NMNAT1: variants seen among roughly 807,000 people sequenced by gnomAD.
NMNAT1 encodes nicotinamide nucleotide adenylyltransferase 1.
Under a neutral mutation model 16.7 loss-of-function variants are expected in NMNAT1, and 11 were observed. The ratio of observed to expected loss-of-function variants is 0.66; its 90% CI spans 0.41 to 1.09. The LOEUF (loss-of-function observed/expected upper bound fraction) is 1.09, where lower values mean the gene tolerates loss of function less well. Ranked by LOEUF, NMNAT1 falls within the 50% of genes least tolerant of loss-of-function variation. The probability of loss-of-function intolerance (pLI) is 0.00; values close to 1 mark genes in which losing one functional copy is unlikely to be tolerated. For synonymous variants in NMNAT1, 110 were observed against 119.8 expected, an observed-to-expected ratio of 0.92 and a Z score of 0.53; for missense variants, 280 against 332.3, an observed-to-expected ratio of 0.84 and a Z score of 1.22.
chr1:9,989,138 C>A (rs1464167826), downstream of NMNAT1, among the ~76,000 whole-genome samples: 1 of 151,998 alleles, frequency 6.6e-6, no homozygotes, highest in Non-Finnish European at 1.5e-5. Context: ...CCATAACTAC[C>A]CATGGCCCAC....
At chr1:9,962,677 G>GTTTTTTTT (rs34747915) in intron 1 of NMNAT1, among the ~76,000 whole-genome samples, 2 of 74,230 alleles carry the variant, frequency 2.7e-5, no homozygotes, top group African/African-American at 6.1e-5. Context: ...CCAAATAAGG[G>GTTTTTTTT]TTTTTTTTTT....
rs1641969844 is a variant in NMNAT1 at position 9,982,467 on chromosome 1, G to A, written c.606G>A (p.Val202=). ...DAQKFIYESD[V]LWKHRSNIHV... ...AGAAGTTTATCTATGAATCGGATGT[G>A]CTGTGGAAACACCGGAGCAACATTC... Residue 202 remains valine (V), a synonymous_variant, in exon 5 of 5, where the codon GTG becomes GTA. Coordinates refer to ENST00000377205, the MANE Select transcript of NMNAT1 (RefSeq NM_022787.4). 1 of 1,614,040 alleles carries A rather than the reference G, an allele frequency of 6.2e-7. No homozygotes were observed. The highest frequency in any genetic ancestry group is 1.3e-5 in the African/African-American group (1 of 74,932).
intron 1 of NMNAT1, among the ~76,000 whole-genome samples, chr1:9,946,044 C>A (rs1640973245): frequency 6.6e-6 from 1 of 152,120 alleles, no homozygotes; most frequent in African/African-American, 2.4e-5. Flanking sequence ...ATGAGCCACC[C>A]CACCCAGCCT....
chr1:9,956,079 G>A (rs1243674862), intron 1 of NMNAT1, among the ~76,000 whole-genome samples: 1 of 151,766 alleles, frequency 6.6e-6, no homozygotes, highest in Non-Finnish European at 1.5e-5. Flanking sequence ...TACCATGACT[G>A]TAAATAAATG....
intron 1 of NMNAT1, among the ~76,000 whole-genome samples, chr1:9,951,762 A>G (rs1486005758): frequency 1.3e-5 from 2 of 152,202 alleles, no homozygotes; most frequent in Non-Finnish European, 2.9e-5. Context: ...GGCGTGAGCC[A>G]CTGTGCCCGG....
intron 4 of NMNAT1, 94 bp downstream of exon 4, chr1:9,981,264 T>G: frequency 6.6e-7 from 1 of 1,520,322 alleles, no homozygotes; most frequent in East Asian, 2.5e-5. Context: ...AGATGGAGTC[T>G]CGCTCTATCA....
intron 1 of NMNAT1, among the ~76,000 whole-genome samples, chr1:9,969,998 G>T (rs1391032130): frequency 6.6e-6 from 1 of 152,120 alleles, no homozygotes; most frequent in Non-Finnish European, 1.5e-5. Flanking sequence ...GGAAAAAAAT[G>T]ACATTCAAAA....
chr1:9,956,976 C>T lies in NMNAT1; in HGVS notation c.-57+13461C>T, dbSNP rs144805301. 5.0e-3 allele frequency among the ~76,000 whole-genome samples: 763 copies of T among 152,010 alleles called. 8 individuals carry two copies. The highest frequency in any genetic ancestry group is 5.5e-3 in the Non-Finnish European group (374 of 67,994). The stretch of plus-strand genomic sequence containing the variant: ...CAAACTCCTGATCTTGTGATCCACC[C>T]GCCTCGGCCTCCCAAAATGCTAAGA... On this transcript the variant is annotated intron_variant, in intron 1 of 4. Coordinates refer to ENST00000377205, the MANE Select transcript of NMNAT1 (RefSeq NM_022787.4).
intron 1 of NMNAT1, among the ~76,000 whole-genome samples, chr1:9,970,952 T>C (rs1463875079): frequency 6.6e-6 from 1 of 152,178 alleles, no homozygotes; most frequent in Admixed American, 6.6e-5. Context: ...CATATGATAA[T>C]GAACACTAAT....
intron 1 of NMNAT1, among the ~76,000 whole-genome samples, chr1:9,964,125 C>G (rs1641488584): frequency 6.6e-6 from 1 of 151,834 alleles, no homozygotes; most frequent in Non-Finnish European, 1.5e-5. Context: ...CTCCTGGCCT[C>G]AAGTGACCCA....
At chr1:9,953,119 T>C (rs919472018) in intron 1 of NMNAT1, among the ~76,000 whole-genome samples, 12 of 151,768 alleles carry the variant, frequency 7.9e-5, no homozygotes, top group Admixed American at 4.6e-4. Flanking sequence ...TAGCTGGAAC[T>C]ACAGGTGCCC....
chr1:9,959,571 C>G (rs1022976417), intron 1 of NMNAT1, among the ~76,000 whole-genome samples: 2 of 152,044 alleles, frequency 1.3e-5, no homozygotes, highest in African/African-American at 4.8e-5. Context: ...ATCCCAGCTA[C>G]TCAGGAGGCT....
chr1:9,980,092 C>T (rs1037288001), intron 3 of NMNAT1, among the ~76,000 whole-genome samples: 9 of 151,438 alleles, frequency 5.9e-5, no homozygotes, highest in African/African-American at 1.7e-4. Flanking sequence ...CCACCACACC[C>T]GGCTAATTTT....
intron 1 of NMNAT1, among the ~76,000 whole-genome samples, chr1:9,948,632 C>G (rs1190913732): frequency 1.3e-5 from 2 of 151,730 alleles, no homozygotes; most frequent in African/African-American, 2.4e-5. Flanking sequence ...TAACTAGTCC[C>G]TAACAAAAAT....
intron 2 of NMNAT1, 44 bp from the exon 3 acceptor site, chr1:9,975,548 G>A (rs575240370): frequency 1.4e-6 from 2 of 1,387,974 alleles, no homozygotes; most frequent in South Asian, 2.6e-5. Flanking sequence ...TGTGCATAAA[G>A]TCTAATTTGT....
At chr1:9,981,359 T>A in intron 4 of NMNAT1, 189 bp downstream of exon 4, 1 of 847,072 alleles carries the variant, frequency 1.2e-6, no homozygotes, top group Non-Finnish European at 1.7e-6. Flanking sequence ...CTCAGCCTCC[T>A]GAGCAGCTGG....
At chr1:9,973,707 CAAAAAAA>C (rs1053350657) in intron 2 of NMNAT1, among the ~76,000 whole-genome samples, 3 of 21,608 alleles carry the variant, frequency 1.4e-4, no homozygotes, top group Non-Finnish European at 1.8e-4. Flanking sequence ...GACTCCATCT[CAAAAAAA>C]AAAAAAAAAA....
intron 1 of NMNAT1, among the ~76,000 whole-genome samples, chr1:9,948,188 T>C (rs375602783): frequency 1.3e-5 from 2 of 152,142 alleles, no homozygotes; most frequent in Non-Finnish European, 2.9e-5. Context: ...GTCATTTCCA[T>C]GTGTTCAGGT....
intron 2 of NMNAT1, among the ~76,000 whole-genome samples, chr1:9,973,012 T>C (rs1472652739): frequency 6.6e-6 from 1 of 152,220 alleles, no homozygotes; most frequent in African/African-American, 2.4e-5. Context: ...CTTAATCTTC[T>C]TTAGGAGTTT....
Sources: allele counts gnomAD v4.1 joint callset (sites outside exome capture counted in the v4.1 genomes callset), GRCh38; gene constraint gnomAD v4.1.1; transcripts MANE v1.5; gene names NCBI Gene and HGNC (gene_info 2026-07-23, HGNC 2026-07-21).